Variants in TMCO4 observed in about 807,000 individuals in gnomAD.
TMCO4 encodes the protein transmembrane and coiled-coil domain-containing protein 4.
Under a neutral mutation model 64.7 loss-of-function variants are expected in TMCO4, and 58 were observed. That is an observed-to-expected ratio of 0.90 (90% CI 0.73 to 1.12). The LOEUF (loss-of-function observed/expected upper bound fraction) is 1.12, where lower values mean the gene tolerates loss of function less well. Ranked by LOEUF, TMCO4 falls within the 50% of genes most tolerant of loss-of-function variation. The pLI is 0.00. For missense variants in TMCO4, 780 were observed against 825.9 expected (o/e 0.94, Z 0.68); for synonymous variants, 325 against 346.1 (o/e 0.94, Z 0.68).
intron 3 of TMCO4, among the ~76,000 whole-genome samples, chr1:19,785,853 C>T (rs1045778105): frequency 2.0e-5 from 3 of 152,146 alleles, no homozygotes; most frequent in Admixed American, 2.0e-4. Flanking sequence ...GCAGGGCTGG[C>T]TACTGTATGT....
At chr1:19,782,027 A>G (rs571103477) in intron 3 of TMCO4, among the ~76,000 whole-genome samples, 1 of 152,216 alleles carries the variant, frequency 6.6e-6, no homozygotes, top group Non-Finnish European at 1.5e-5. Flanking sequence ...TATCCACTAA[A>G]GCTAAACATA....
At chr1:19,712,619 C>CA (rs35058157) in intron 13 of TMCO4, among the ~76,000 whole-genome samples, 30,622 of 91,028 alleles carry the variant, frequency 0.34, 4,023 homozygotes, top group Middle Eastern at 0.44. Flanking sequence ...GACTCCGTCT[C>CA]AAAAAAAAAA....
At chr1:19,758,609 C>T (rs2042367261) in intron 6 of TMCO4, among the ~76,000 whole-genome samples, 1 of 152,152 alleles carries the variant, frequency 6.6e-6, no homozygotes, top group Non-Finnish European at 1.5e-5. Flanking sequence ...GGCAGGGATG[C>T]TGGTCTTGGA....
chr1:19,796,313 C>G (rs12411117), intron 2 of TMCO4, among the ~76,000 whole-genome samples: 1 of 152,070 alleles, frequency 6.6e-6, no homozygotes, highest in African/African-American at 2.4e-5. Flanking sequence ...GGGGTTGCCA[C>G]GCACCTCCCT....
rs2095436037 is a variant in TMCO4 at position 19,732,864 on chromosome 1, T to C, written c.1264+4508A>G. Among the ~76,000 whole-genome samples the C allele has an allele frequency of 6.6e-6, 1 of 152,230 alleles. No individual in the cohort carries two copies. On this transcript the variant is annotated intron_variant, in intron 13 of 15. Transcript: ENST00000294543. The surrounding 1 kb of genome is among the most constrained non-coding windows in gnomAD (Gnocchi z 4.8). ...AGATTCCTATCAGATTCTTGTTATTTGGAAGGCTTCGGATCCTAGTTTCTT... is the reference window on the plus strand; with the variant it reads ...AGATTCCTATCAGATTCTTGTTATTCGGAAGGCTTCGGATCCTAGTTTCTT...
intron 7 of TMCO4, chr1:19,750,405 G>A (rs2041975980): frequency 6.6e-6 from 1 of 152,226 alleles, no homozygotes; most frequent in Non-Finnish European, 1.5e-5. Flanking sequence ...TTTGAGCTCA[G>A]CTCTGCCATG....
chr1:19,720,251 C>T (rs1416287995), intron 13 of TMCO4, among the ~76,000 whole-genome samples: 2 of 152,138 alleles, frequency 1.3e-5, no homozygotes, highest in Non-Finnish European at 2.9e-5. Context: ...AGTCCTCCCG[C>T]CTCGGCCTTC....
chr1:19,758,109 G>T (rs1439222650), intron 6 of TMCO4, among the ~76,000 whole-genome samples: 2 of 152,204 alleles, frequency 1.3e-5, no homozygotes, highest in East Asian at 1.9e-4. Flanking sequence ...ATGTTTCCAT[G>T]TGAGGGACCA....
At chr1:19,777,717 TCTC>T (rs1307597551) in intron 4 of TMCO4, among the ~76,000 whole-genome samples, 1 of 152,160 alleles carries the variant, frequency 6.6e-6, no homozygotes, top group Non-Finnish European at 1.5e-5. Context: ...AAAAAACAAA[TCTC>T]CTGTTGTTTA....
chr1:19,700,897 C>A lies in TMCO4; in HGVS notation c.1265-12G>T. 2 of 1,613,016 alleles carry A rather than the reference C, an allele frequency of 1.2e-6. No individual in the cohort carries two copies. The highest frequency in any genetic ancestry group is 1.7e-6 in the Non-Finnish European group (2 of 1,179,042). On this transcript the variant is annotated splice_polypyrimidine_tract_variant and intron_variant, in intron 13 of 15. Coordinates refer to ENST00000294543, the MANE Select transcript of TMCO4 (RefSeq NM_181719.7). The stretch of plus-strand genomic sequence containing the variant: ...GATTCCTTGGCAATCTGGCAAAAGA[C>A]CCCAGAAAAGGCCGTCAGTGTCCCT...
intron 13 of TMCO4, among the ~76,000 whole-genome samples, chr1:19,714,561 A>G (rs4484948): frequency 0.73 from 111,212 of 152,048 alleles, 40,921 homozygotes; most frequent in East Asian, 0.81. Flanking sequence ...CTTTACAGCT[A>G]CTCATACATG....
intron 6 of TMCO4, among the ~76,000 whole-genome samples, chr1:19,764,226 A>C (rs2042630730): frequency 6.6e-6 from 1 of 152,178 alleles, no homozygotes; most frequent in Non-Finnish European, 1.5e-5. Flanking sequence ...AGCAGGTAAG[A>C]GGTGGACTCA....
chr1:19,683,276 G>A lies in TMCO4; in HGVS notation c.1669C>T (p.His557Tyr), dbSNP rs1010733712. 1 of 1,614,010 alleles carries A rather than the reference G, an allele frequency of 6.2e-7. No homozygotes were observed. The highest frequency in any genetic ancestry group is 8.5e-7 in the Non-Finnish European group (1 of 1,179,894). ...AAAASSGETP[H>Y]QVGQTQGPIS... is the part of the protein sequence containing the mutation. ...GGACCCTGGGTTTGCCCAACCTGGT[G>A]GGGGGTCTCGCCTGATGAGGCGGCA... Residue 557 changes from histidine (H) to tyrosine (Y), a missense_variant, in exon 16 of 16, where the codon CAC becomes TAC. By Grantham distance (83) the His-to-Tyr change is moderately conservative. Transcript: ENST00000294543.
At chr1:19,770,424 C>T in intron 6 of TMCO4, 118 bp downstream of exon 6, 10 of 1,092,166 alleles carry the variant, frequency 9.2e-6, no homozygotes, top group African/African-American at 1.5e-5. Context: ...TCCTTTCCTT[C>T]CTGAAGTCAA....
At position 19,755,729 on chromosome 1, in the gene TMCO4, G is replaced by A. The variant is rs771297427; in HGVS notation, c.420C>T (p.His140=). The change falls in exon 7 of 16, where the codon CAC becomes CAT. Residue 140 remains histidine, a synonymous_variant. Coordinates refer to ENST00000294543, the MANE Select transcript of TMCO4 (RefSeq NM_181719.7). ...AGGGCACTTGGAGCAGGGAGGTCAT[G>A]TGGCAAACGAGGACTCTGGCCCGGG... ...YDARARVLVC[H]MTSLLQVPLE... The A allele has an allele frequency of 4.3e-6, 7 of 1,614,100 alleles. No individual in the cohort carries two copies. In the South Asian group the frequency reaches 6.6e-5, roughly 15 times the overall value.
At position 19,746,463 on chromosome 1, in the gene TMCO4, G is replaced by C. The variant is rs753500325; in HGVS notation, c.750C>G (p.Gly250=). 38 of 1,613,286 alleles carry C rather than the reference G, an allele frequency of 2.4e-5. No homozygotes were observed. Among genetic ancestry groups the C allele is most frequent in the East Asian group, 4.5e-5 (2 of 44,848 alleles). ...ATTCCTTTTGAACCTTACCTGTCAG[G>C]CCAGCTCCAGCTGCACCAAACAGCG... ...MTSLFGAAGA[G]LTGYKMKKRV... Residue 250 remains glycine (G), a synonymous_variant, in exon 9 of 16, where the codon GGC becomes GGG. Coordinates refer to ENST00000294543, the MANE Select transcript of TMCO4 (RefSeq NM_181719.7).
At chr1:19,700,976 A>C in intron 13 of TMCO4, 91 bp from the exon 14 acceptor site, 1 of 941,710 alleles carries the variant, frequency 1.1e-6, no homozygotes, top group Non-Finnish European at 1.7e-6. Context: ...GATGAATGTC[A>C]CACACATACA....
chr1:19,759,702 T>G (rs549591942), intron 6 of TMCO4, among the ~76,000 whole-genome samples: 1 of 152,188 alleles, frequency 6.6e-6, no homozygotes, highest in East Asian at 1.9e-4. Flanking sequence ...AAATATCACT[T>G]CCTTAGAGAA....
chr1:19,683,466 C>A (rs1475534459), intron 15 of TMCO4, 22 bp from the exon 16 acceptor site: 3 of 1,610,264 alleles, frequency 1.9e-6, no homozygotes, highest in South Asian at 2.2e-5. Flanking sequence ...AGTGAGTGAG[C>A]ACCACCGTGG....
Sources: allele counts gnomAD v4.1 joint callset (sites outside exome capture counted in the v4.1 genomes callset), GRCh38; gene constraint gnomAD v4.1.1; non-coding constraint Gnocchi (gnomAD v3.1); transcripts MANE v1.5; gene names NCBI Gene and HGNC (gene_info 2026-07-23, HGNC 2026-07-21).